GPATCH8: variants seen among roughly 807,000 people sequenced by gnomAD.
GPATCH8 encodes the protein G-patch domain containing 8, also known as G patch domain-containing protein 8.
Under a neutral mutation model 118.3 loss-of-function variants are expected in GPATCH8, and 18 were observed. The ratio of observed to expected loss-of-function variants is 0.15; its 90% CI spans 0.11 to 0.23. The LOEUF is 0.23. Among genes scored for constraint, GPATCH8 ranks in the 10% least tolerant of loss-of-function variants. The pLI, the probability that GPATCH8 is intolerant of heterozygous loss-of-function variation, is 1.00. For missense variants in GPATCH8, 1,631 were observed against 1,873.8 expected, an observed-to-expected ratio of 0.87 and a Z score of 2.39; for synonymous variants, 659 against 684.7, an observed-to-expected ratio of 0.96 and a Z score of 0.59.
Position 44,399,182 on chromosome 17 carries a change from A to G in GPATCH8, c.2895T>C (p.Cys965=). Residue 965 remains cysteine, a synonymous_variant, in exon 8 of 8, where the codon TGT becomes TGC. Transcript: ENST00000591680. ...TTCTCCGCTTGCTTCGACTACGACT[A>G]CAACTGCTGCTGCGGCTGCGGCCCC... ...RSRGRSRSSS[C]SRSRSKRRSR... The G allele has an allele frequency of 6.2e-7, 1 of 1,612,158 alleles. No homozygotes were observed. Among genetic ancestry groups the G allele is most frequent in the Non-Finnish European group, 8.5e-7 (1 of 1,178,392 alleles).
At position 44,399,268 on chromosome 17, in the gene GPATCH8, G is replaced by A. The variant is rs2048910565; in HGVS notation, c.2809C>T (p.Leu937Phe). Residue 937 changes from leucine (L) to phenylalanine (F), a missense_variant, in exon 8 of 8, where the codon CTC (leucine) becomes TTC (phenylalanine). Leu to Phe is a conservative substitution (Grantham distance 22, BLOSUM62 0). Transcript: ENST00000591680. ...KYSSSDDDYS[L>F]SCSQSRSRSR... ...CGGCTTCGGGACTGGCTGCAACTGA[G>A]GCTATAGTCATCATCAGAAGATGAA... 6.2e-7 allele frequency: 1 copy of A among 1,613,916 alleles called. No individual in the cohort carries two copies. The highest frequency in any genetic ancestry group is 8.5e-7 in the Non-Finnish European group (1 of 1,179,902).
At chr17:44,402,090 G>T (rs1342854439) in intron 7 of GPATCH8, among the ~76,000 whole-genome samples, 1 of 151,686 alleles carries the variant, frequency 6.6e-6, no homozygotes, top group African/African-American at 2.4e-5. Context: ...GGGAGGTGGA[G>T]GCGAGCAGAT....
In GPATCH8 at chr17:44,424,350, T is replaced by C. The variant is rs1361095611; in HGVS notation, c.491A>G (p.Gln164Arg). Reference protein sequence around the residue: ...HINSYDHAHKQRLKDLKQREF... With the variant: ...HINSYDHAHKRRLKDLKQREF... The stretch of plus-strand genomic sequence containing the variant: ...TGTTAGCAAGTAACTACAACTCACC[T>C]GCTTGTGTGCATGATCATAGGAGTT... The change falls in exon 6 of 8, where the codon CAG becomes CGG. Residue 164 changes from glutamine (Q) to arginine (R), a missense_variant and splice_region_variant. By Grantham distance (43) the Gln-to-Arg change is conservative (BLOSUM62 1). This residue lies in a region of GPATCH8 where 81 missense variants were observed against 227.6 expected (regional missense o/e 0.36). Transcript: ENST00000591680. The C allele has an allele frequency of 1.3e-6, 2 of 1,594,360 alleles. No individual in the cohort carries two copies. Among genetic ancestry groups the C allele is most frequent in the Non-Finnish European group, 1.7e-6 (2 of 1,161,886 alleles).
At position 44,425,694 on chromosome 17, in the gene GPATCH8, A is replaced by C. The variant is rs2050066572; in HGVS notation, c.349-1202T>G. Among the ~76,000 whole-genome samples, 2 of 151,990 alleles carry C rather than the reference A, an allele frequency of 1.3e-5. 1 individual carries two copies. The highest frequency in any genetic ancestry group is 4.1e-4 in the South Asian group (2 of 4,824). On this transcript the variant is annotated intron_variant, in intron 5 of 7. Transcript: ENST00000591680. ...TAGGCGTGTACCAGCAAACCTAGCT[A>C]ACTTTTGTATTTTTTGTAGAGATGA... is the stretch of plus-strand genomic sequence containing the variant.
intron 1 of GPATCH8, among the ~76,000 whole-genome samples, chr17:44,490,376 T>C (rs1276623392): frequency 6.6e-6 from 1 of 152,078 alleles, no homozygotes; most frequent in East Asian, 1.9e-4. Flanking sequence ...AGGTATAAAC[T>C]AAAACTCATG....
chr17:44,401,410 C>A lies in GPATCH8; in HGVS notation c.667G>T (p.Val223Leu). The change falls in exon 8 of 8, where the codon GTA becomes TTA. Residue 223 changes from valine (V) to leucine (L), a missense_variant. Physicochemically the swap from Val to Leu is conservative, Grantham distance 32. Around this residue, in one of 8 missense-constraint regions of GPATCH8, gnomAD observed 405 missense variants for 462.7 expected, o/e 0.88. Transcript: ENST00000591680. ...TCATCTTCTCCACCTTCTTCATCTA[C>A]AGCCACTGTGGTTGGTTTGAACATG... ...GPMFKPTTVA[V>L]DEEGGEDDKD... The A allele has an allele frequency of 6.2e-7, 1 of 1,613,426 alleles. No homozygotes were observed. The highest frequency in any genetic ancestry group is 1.1e-5 in the South Asian group (1 of 91,062).
chr17:44,451,960 A>G lies in GPATCH8; in HGVS notation c.193+12512T>C, dbSNP rs534973273. ...GCATAGGTTTTGGCACCAAGATTCTACCACTTATCTGCTGTAAGATCTTGG... is the reference window on the plus strand; with the variant it reads ...GCATAGGTTTTGGCACCAAGATTCTGCCACTTATCTGCTGTAAGATCTTGG... On this transcript the variant is annotated intron_variant, in intron 3 of 7. Coordinates refer to ENST00000591680, the MANE Select transcript of GPATCH8 (RefSeq NM_001002909.4). Among the ~76,000 whole-genome samples the G allele has an allele frequency of 1.0e-3, 157 of 152,288 alleles. 1 individual carries two copies. Among genetic ancestry groups the G allele is most frequent in the Middle Eastern group, 6.8e-3 (2 of 294 alleles).
chr17:44,482,471 G>T (rs967943952), intron 1 of GPATCH8, among the ~76,000 whole-genome samples: 1 of 149,620 alleles, frequency 6.7e-6, no homozygotes, highest in African/African-American at 2.5e-5. Flanking sequence ...CTACTCAGAA[G>T]GTTGAGGCAG....
intron 7 of GPATCH8, among the ~76,000 whole-genome samples, chr17:44,405,009 C>A (rs8066197): frequency 0.02 from 3,011 of 152,092 alleles, 107 homozygotes; most frequent in African/African-American, 0.068. Context: ...CTAGAGTTAA[C>A]AATACTATAT....
intron 3 of GPATCH8, among the ~76,000 whole-genome samples, chr17:44,454,109 G>GTCACCCCTAGTTATTCT (rs1295958455): frequency 2.6e-5 from 4 of 152,100 alleles, no homozygotes; most frequent in Admixed American, 2.0e-4. Flanking sequence ...ACTTAGTGAA[G>GTCACCCCTAGTTATTCT]TCACCCCTAG....
chr17:44,406,947 T>C (rs1204190931), intron 6 of GPATCH8, among the ~76,000 whole-genome samples: 1 of 152,190 alleles, frequency 6.6e-6, no homozygotes. Context: ...ACTAAAATTA[T>C]TTTCAAGACA....
chr17:44,442,524 G>A (rs2050737931), intron 3 of GPATCH8, among the ~76,000 whole-genome samples: 1 of 152,128 alleles, frequency 6.6e-6, no homozygotes, highest in Admixed American at 6.5e-5. Flanking sequence ...GAGTGCTGTG[G>A]TGCCATCTCC....
intron 2 of GPATCH8, among the ~76,000 whole-genome samples, chr17:44,472,235 G>A (rs1011120844): frequency 6.6e-6 from 1 of 152,058 alleles, no homozygotes; most frequent in African/African-American, 2.4e-5. Flanking sequence ...GCTATTTTAA[G>A]TGAAGAAGGT....
At chr17:44,489,870 C>T (rs952077839) in intron 1 of GPATCH8, among the ~76,000 whole-genome samples, 1 of 152,114 alleles carries the variant, frequency 6.6e-6, no homozygotes, top group Non-Finnish European at 1.5e-5. Context: ...TTCAGTATGG[C>T]GTCTGATTAT....
chr17:44,455,241 C>T (rs1360932618), intron 3 of GPATCH8, among the ~76,000 whole-genome samples: 1 of 152,290 alleles, frequency 6.6e-6, no homozygotes, highest in Middle Eastern at 3.4e-3. Flanking sequence ...GTGGCTCACG[C>T]CTGTAATCCC....
At chr17:44,431,571 GA>G (rs1459699357) in intron 5 of GPATCH8, among the ~76,000 whole-genome samples, 1 of 107,076 alleles carries the variant, frequency 9.3e-6, no homozygotes, top group East Asian at 2.6e-4. Flanking sequence ...AAAATAACAA[GA>G]ATGTCAAATG....
chr17:44,463,532 G>A (rs537781851), intron 3 of GPATCH8, among the ~76,000 whole-genome samples: 214 of 152,272 alleles, frequency 1.4e-3, no homozygotes, highest in Non-Finnish European at 1.8e-3. Flanking sequence ...ACAGGCATGT[G>A]CCACCACGCC....
chr17:44,449,808 C>T (rs1041289180), intron 3 of GPATCH8, among the ~76,000 whole-genome samples: 1 of 152,182 alleles, frequency 6.6e-6, no homozygotes. Flanking sequence ...CCACTGCACC[C>T]GGCCTGAATC....
intron 6 of GPATCH8, among the ~76,000 whole-genome samples, chr17:44,418,079 T>C (rs1324702220): frequency 6.7e-6 from 1 of 149,936 alleles, no homozygotes; most frequent in Non-Finnish European, 1.5e-5. Context: ...GAGGCTAAGA[T>C]TGGAAGAAAA....
Sources: allele counts gnomAD v4.1 joint callset (sites outside exome capture counted in the v4.1 genomes callset), GRCh38; gene constraint gnomAD v4.1.1; regional missense constraint gnomAD v4.1.1; transcripts MANE v1.5; gene names NCBI Gene and HGNC (gene_info 2026-07-23, HGNC 2026-07-21).